NEDD4L: variants seen among roughly 807,000 people sequenced by gnomAD.
NEDD4L encodes the protein NEDD4 like E3 ubiquitin protein ligase, also known as E3 ubiquitin-protein ligase NEDD4-like.
NEDD4L carries 54 observed loss-of-function variants against 148.9 expected under a neutral mutation model. That is an observed-to-expected ratio of 0.36 (90% confidence interval 0.29 to 0.45). The LOEUF is 0.45. Ranked by LOEUF, NEDD4L falls within the 20% of genes least tolerant of loss-of-function variation. NEDD4L has a pLI of 1.00. For missense variants in NEDD4L, 856 were observed against 1,233.8 expected, an observed-to-expected ratio of 0.69 and a Z score of 4.59; for synonymous variants, 433 against 440.7, an observed-to-expected ratio of 0.98 and a Z score of 0.22.
At chr18:58,148,619 G>A (rs952470612) in intron 1 of NEDD4L, among the ~76,000 whole-genome samples, 9 of 152,214 alleles carry the variant, frequency 5.9e-5, no homozygotes, top group Non-Finnish European at 1.2e-4. Context: ...GTGTCTCTCT[G>A]TGTGTCCAAA....
At position 58,323,293 on chromosome 18, in the gene NEDD4L, G is replaced by A; in HGVS notation, c.472G>A (p.Gly158Ser). Reference protein sequence around the residue: ...LKMAYMPKNGGQDEENSDQRD... With the variant: ...LKMAYMPKNGSQDEENSDQRD... ...AATGGCCTATATGCCAAAAAATGGA[G>A]GTCAAGATGAAGAAAACAGTGACCA... The change falls in exon 8 of 31, where the codon GGT (glycine) becomes AGT (serine). Residue 158 changes from glycine to serine, a missense_variant. Transcript: ENST00000400345. The A allele has an allele frequency of 2.5e-6, 4 of 1,602,156 alleles. No individual in the cohort carries two copies. Among genetic ancestry groups the A allele is most frequent in the Non-Finnish European group, 3.4e-6 (4 of 1,173,850 alleles).
chr18:58,391,590 C>T, intron 30 of NEDD4L, 31 bp downstream of exon 30: 2 of 1,486,898 alleles, frequency 1.3e-6, no homozygotes, highest in Non-Finnish European at 1.8e-6. Flanking sequence ...CATGTCAATG[C>T]AATATCTGAA....
chr18:58,223,220 T>C (rs1316578946), intron 2 of NEDD4L, among the ~76,000 whole-genome samples: 1 of 152,208 alleles, frequency 6.6e-6, no homozygotes, highest in Non-Finnish European at 1.5e-5. Context: ...TCATTCCTAT[T>C]GTTTTTATGA....
intron 5 of NEDD4L, among the ~76,000 whole-genome samples, chr18:58,304,667 T>C (rs1310360047): frequency 6.6e-6 from 1 of 152,246 alleles, no homozygotes; most frequent in East Asian, 1.9e-4. Context: ...TACTTCTAGA[T>C]AGACATGGGA....
intron 1 of NEDD4L, chr18:58,149,541 A>G (rs2034450511): frequency 1.9e-6 from 3 of 1,550,902 alleles, no homozygotes; most frequent in Non-Finnish European, 2.6e-6. Context: ...CCTAAATGAG[A>G]CGTCTCGCAT....
rs2075405 is a variant in NEDD4L, at chr18:58,370,617, A to G, written c.2256+150A>G. ...AGACATTTAATTGCTTGAAAAGTTC[A>G]TTGATCTAATTCTTGTAATAAATCA... is the stretch of plus-strand genomic sequence containing the variant. On this transcript the variant is annotated intron_variant, in intron 23 of 30. Transcript: ENST00000400345. 174,785 of 664,966 alleles carry G rather than the reference A, an allele frequency of 0.26. 23,870 individuals carry two copies. The highest frequency in any genetic ancestry group is 0.39 in the Middle Eastern group (1,622 of 4,126). The allele number at this position is 664,966 out of a possible 1,614,324, so 41.2% of individuals were successfully genotyped here.
chr18:58,071,133 G>A (rs1161757924), intron 1 of NEDD4L, among the ~76,000 whole-genome samples: 1 of 152,088 alleles, frequency 6.6e-6, no homozygotes, highest in Non-Finnish European at 1.5e-5. Flanking sequence ...TAAAACTTAA[G>A]TCACTATGAA....
At chr18:58,372,283 C>CT (rs397858965) in intron 23 of NEDD4L, 64,782 of 143,306 alleles carry the variant, frequency 0.45, 14,447 homozygotes, top group South Asian at 0.56. Flanking sequence ...TAGCTAATTT[C>CT]TTTTTTTTTT....
chr18:58,299,314 G>A (rs1019042410), intron 5 of NEDD4L, among the ~76,000 whole-genome samples: 1 of 152,212 alleles, frequency 6.6e-6, no homozygotes, highest in Non-Finnish European at 1.5e-5. Context: ...GGTGAAGGGA[G>A]AAAGATGCAA....
Position 58,364,334 on chromosome 18 carries a change from G to A in NEDD4L, c.1833+1G>A. 6.5e-7 allele frequency: 1 copy of A among 1,547,886 alleles called. No individual in the cohort carries two copies. The highest frequency in any genetic ancestry group is 8.8e-7 in the Non-Finnish European group (1 of 1,141,818). On this transcript the variant is annotated splice_donor_variant, in intron 20 of 30. Coordinates refer to ENST00000400345, the MANE Select transcript of NEDD4L (RefSeq NM_001144967.3). LOFTEE classifies it high-confidence loss of function. ...CTTCAGGAAGAAATTAAAGAAACCT[G>A]TGAGTAATCATGCCTTCCAAAAATG...
chr18:58,384,361 A>G (rs2048732403), intron 25 of NEDD4L, among the ~76,000 whole-genome samples: 1 of 152,222 alleles, frequency 6.6e-6, no homozygotes, highest in Non-Finnish European at 1.5e-5. Context: ...CATAGACTAG[A>G]AATAAGGTAC....
At chr18:58,187,346 G>A (rs942087040) in intron 2 of NEDD4L, among the ~76,000 whole-genome samples, 3 of 152,186 alleles carry the variant, frequency 2.0e-5, no homozygotes, top group African/African-American at 7.2e-5. Context: ...GGCAGGTGGG[G>A]TACTGGAGGG....
chr18:58,328,846 G>C, intron 9 of NEDD4L, 149 bp from the exon 10 acceptor site: 1 of 758,258 alleles, frequency 1.3e-6, no homozygotes, highest in Non-Finnish European at 2.2e-6. Context: ...TATGGTGGGA[G>C]AATTCTCACA....
At chr18:58,353,634 G>A (rs148300950) in intron 18 of NEDD4L, among the ~76,000 whole-genome samples, 1 of 152,338 alleles carries the variant, frequency 6.6e-6, no homozygotes, top group Non-Finnish European at 1.5e-5. Context: ...GAAAACTGCA[G>A]AATACCTATC....
chr18:58,052,699 C>T (rs1287481297), intron 1 of NEDD4L, among the ~76,000 whole-genome samples: 1 of 151,634 alleles, frequency 6.6e-6, no homozygotes, highest in Middle Eastern at 3.2e-3. Context: ...CCCATGGTGG[C>T]TCATGCCTAT....
At chr18:58,086,849 T>A (rs1465128065) in intron 1 of NEDD4L, among the ~76,000 whole-genome samples, 1 of 152,236 alleles carries the variant, frequency 6.6e-6, no homozygotes, top group Admixed American at 6.5e-5. Context: ...ACATTCATTC[T>A]TTCTTTTCAG....
intron 1 of NEDD4L, chr18:58,047,243 G>C (rs1178020483): frequency 4.1e-6 from 4 of 985,120 alleles, no homozygotes; most frequent in Middle Eastern, 1.0e-3. Context: ...CCGCTATTTA[G>C]AAGAGTGACC....
chr18:58,234,443 C>T (rs1394672308), intron 2 of NEDD4L, among the ~76,000 whole-genome samples: 1 of 151,392 alleles, frequency 6.6e-6, no homozygotes, highest in Non-Finnish European at 1.5e-5. Flanking sequence ...GCAATCCTCT[C>T]ACCTCAGCCT....
At chr18:58,231,229 C>A (rs1302135410) in intron 2 of NEDD4L, among the ~76,000 whole-genome samples, 1 of 130,490 alleles carries the variant, frequency 7.7e-6, no homozygotes. Flanking sequence ...CAGAGCGAGA[C>A]CCTATCTCAA....
Sources: allele counts gnomAD v4.1 joint callset (sites outside exome capture counted in the v4.1 genomes callset), GRCh38; gene constraint gnomAD v4.1.1; transcripts MANE v1.5; gene names NCBI Gene and HGNC (gene_info 2026-07-23, HGNC 2026-07-21).